Variants in TTN observed in about 807,000 individuals in gnomAD.
TTN encodes the protein connectin.
A neutral mutation model predicts 3,223.0 loss-of-function variants in TTN; 1,525 were observed. The observed-to-expected ratio is 0.47, with a 90% confidence interval of 0.45 to 0.49. TTN has a LOEUF of 0.49. Among genes scored for constraint, TTN ranks in the 20% least tolerant of loss-of-function variants. The pLI is 0.00. For missense variants in TTN, 40,786 were observed against 43,424.0 expected (o/e 0.94, Z 5.40); for synonymous variants, 14,094 against 15,161.0 (o/e 0.93, Z 5.17).
chr2:178,696,265 A>G lies in TTN; in HGVS notation c.30807T>C (p.Pro10269=). The G allele has an allele frequency of 6.5e-7, 1 of 1,533,732 alleles. No homozygotes were observed. Among genetic ancestry groups the G allele is most frequent in the Non-Finnish European group, 8.7e-7 (1 of 1,144,214 alleles). Reference sequence around the variant, plus strand: ...CTTTAGAGGATACATCAATGATTTCAGGAGCTAAAATAGATAAAGATACTA... The same window carrying G: ...CTTTAGAGGATACATCAATGATTTCGGGAGCTAAAATAGATAAAGATACTA... ...PPTTLIPAKA[P]EIIDVSSKAE... is the part of the protein sequence containing the mutation. The change falls in exon 114 of 363, where the codon CCT becomes CCC. Residue 10269 remains proline (P), a synonymous_variant. Coordinates refer to ENST00000589042, the MANE Select transcript of TTN (RefSeq NM_001267550.2).
At chr2:178,710,090 T>C (rs1262141302) in intron 98 of TTN, among the ~76,000 whole-genome samples, 1 of 152,142 alleles carries the variant, frequency 6.6e-6, no homozygotes, top group Admixed American at 6.5e-5. Flanking sequence ...ATTTAGAGAA[T>C]CACAAATTTG....
intron 49 of TTN, among the ~76,000 whole-genome samples, chr2:178,736,961 C>T (rs1374797276): frequency 6.6e-6 from 1 of 152,130 alleles, no homozygotes; most frequent in African/African-American, 2.4e-5. Flanking sequence ...CCTTGATATT[C>T]TCATTGACAA....
Position 178,564,617 on chromosome 2 carries a change from T to C in TTN, c.81515A>G (p.Asp27172Gly), listed in dbSNP as rs1248956657. Reference protein sequence around the residue: ...SECFVARDPCDPPGRPEAIVI... With the variant: ...SECFVARDPCGPPGRPEAIVI... ...AATGGCTTCAGGGCGACCAGGTGGG[T>C]CACATGGATCACGAGCAACAAAGCA... The change falls in exon 326 of 363, where the codon GAC (aspartate) becomes GGC (glycine). Residue 27172 changes from aspartate (D) to glycine (G), a missense_variant. By Grantham distance (94) the Asp-to-Gly change is moderately conservative. Transcript: ENST00000589042. 1 of 1,613,510 alleles carries C rather than the reference T, an allele frequency of 6.2e-7. No homozygotes were observed. The highest frequency in any genetic ancestry group is 1.7e-5 in the Admixed American group (1 of 59,968).
intron 345 of TTN, 38 bp downstream of exon 345, chr2:178,544,160 GAGA>G (rs766899471): frequency 2.5e-6 from 4 of 1,604,886 alleles, no homozygotes; most frequent in Non-Finnish European, 2.6e-6. Context: ...GGACAGGTGT[GAGA>G]AGAAAATAAT....
rs377210838 is a variant in TTN at position 178,718,782 on chromosome 2, C to T, written c.24418G>A (p.Val8140Met). 1.2e-6 allele frequency: 2 copies of T among 1,613,782 alleles called. No individual in the cohort carries two copies. The highest frequency in any genetic ancestry group is 8.5e-7 in the Non-Finnish European group (1 of 1,179,760). The change falls in exon 84 of 363, where the codon GTG becomes ATG. Residue 8140 changes from valine to methionine, a missense_variant. Physicochemically the swap from Val to Met is conservative, Grantham distance 21. Coordinates refer to ENST00000589042, the MANE Select transcript of TTN (RefSeq NM_001267550.2). ...DFVTELELFE[V>M]QPLESGDYSC... ...TAGTCTCCACTTTCTAATGGCTGCACCTCAAACAACTCCAGTTCTGTGACA... is the reference window on the plus strand; with the variant it reads ...TAGTCTCCACTTTCTAATGGCTGCATCTCAAACAACTCCAGTTCTGTGACA...
Position 178,565,535 on chromosome 2 carries a change from A to T in TTN, c.80597T>A (p.Val26866Glu). The T allele has an allele frequency of 6.2e-7, 1 of 1,613,342 alleles. No homozygotes were observed. Among genetic ancestry groups the T allele is most frequent in the South Asian group, 1.1e-5 (1 of 91,068 alleles). ...YNEKGKSDPRVLGVPVIAKDL... is the reference protein window; with the variant it reads ...YNEKGKSDPRELGVPVIAKDL... The stretch of plus-strand genomic sequence containing the variant: ...CTTGGCTATGACAGGAACACCCAAC[A>T]CTCTTGGATCGCTTTTTCCTTTCTC... The change falls in exon 326 of 363, where the codon GTG becomes GAG. Residue 26866 changes from valine (V) to glutamate (E), a missense_variant. Val to Glu is a moderately radical substitution (Grantham distance 121, BLOSUM62 -2). Transcript: ENST00000589042.
At position 178,723,789 on chromosome 2, in the gene TTN, T is replaced by C. The variant is rs1313484300; in HGVS notation, c.21403+67A>G. The C allele has an allele frequency of 4.6e-6, 7 of 1,537,738 alleles. No individual in the cohort carries two copies. In the Admixed American group the frequency reaches 1.5e-4, roughly 32 times the overall value. Reference sequence around the variant, plus strand: ...ACATTAGAGCACTTTCAAATGTTTGTCAACATAGATGTGCACCTGAAGAGG... The same window carrying C: ...ACATTAGAGCACTTTCAAATGTTTGCCAACATAGATGTGCACCTGAAGAGG... On this transcript the variant is annotated intron_variant, in intron 73 of 362. Coordinates refer to ENST00000589042, the MANE Select transcript of TTN (RefSeq NM_001267550.2).
rs201390600 is a variant in TTN, at chr2:178,631,062, A to C, written c.43986T>G (p.Asp14662Glu). Residue 14662 changes from aspartate (D) to glutamate (E), a missense_variant, in exon 237 of 363, where the codon GAT becomes GAG. Asp to Glu is a conservative substitution (Grantham distance 45). Coordinates refer to ENST00000589042, the MANE Select transcript of TTN (RefSeq NM_001267550.2). ...CAATGTCAAGTTTTCCTGAGGTCTT[A>C]TCTGTCCCACAGTCACAGGTGTACT... ...IGQYTCDCGT[D>E]KTSGKLDIED... 71 of 1,613,238 alleles carry C rather than the reference A, an allele frequency of 4.4e-5. No individual in the cohort carries two copies. Among genetic ancestry groups the C allele is most frequent in the Admixed American group, 3.7e-4 (22 of 59,968 alleles).
At chr2:178,670,543 C>A (rs2066797501) in intron 156 of TTN, among the ~76,000 whole-genome samples, 1 of 151,936 alleles carries the variant, frequency 6.6e-6, no homozygotes, top group Admixed American at 6.6e-5. Flanking sequence ...ACACCTTCAG[C>A]TGGTGCTATT....
chr2:178,650,694 C>A, intron 209 of TTN, 57 bp downstream of exon 209: 1 of 1,449,904 alleles, frequency 6.9e-7, no homozygotes, highest in East Asian at 2.4e-5. Flanking sequence ...AAGAACAAAG[C>A]TTAAATTAGA....
chr2:178,737,658 T>C (rs1482968418), intron 49 of TTN, among the ~76,000 whole-genome samples: 1 of 152,154 alleles, frequency 6.6e-6, no homozygotes, highest in Non-Finnish European at 1.5e-5. Flanking sequence ...AGTCCTATAC[T>C]AGCTCCCTGT....
At position 178,718,778 on chromosome 2, in the gene TTN, T is replaced by C. The variant is rs2154299738; in HGVS notation, c.24422A>G (p.Gln8141Arg). ...AGAATAGTCTCCACTTTCTAATGGC[T>C]GCACCTCAAACAACTCCAGTTCTGT... is the stretch of plus-strand genomic sequence containing the variant. The part of the protein sequence containing the change: ...FVTELELFEV[Q>R]PLESGDYSCL... The change falls in exon 84 of 363, where the codon CAG (glutamine) becomes CGG (arginine). Residue 8141 changes from glutamine (Q) to arginine (R), a missense_variant. Physicochemically the swap from Gln to Arg is conservative, Grantham distance 43. Transcript: ENST00000589042. 1.2e-6 allele frequency: 2 copies of C among 1,613,784 alleles called. No individual in the cohort carries two copies. The highest frequency in any genetic ancestry group is 1.7e-6 in the Non-Finnish European group (2 of 1,179,750).
rs1560284392 is a variant in TTN, at chr2:178,675,708, A to AG, written c.34499dup (p.Pro11501SerfsTer4). 2 of 1,428,874 alleles carry AG rather than the reference A, an allele frequency of 1.4e-6. No homozygotes were observed. Among genetic ancestry groups the AG allele is most frequent in the Non-Finnish European group, 9.1e-7 (1 of 1,100,740 alleles). The allele number at this position is 1,428,874 out of a possible 1,614,324, so 88.5% of individuals were successfully genotyped here. The stretch of plus-strand genomic sequence containing the variant: ...GGGCCACTGCTTTCTTAAGACCAGG[A>AG]GGAGGGACCTTCTTTTCTGGCTCAG... On this transcript the variant is annotated frameshift_variant, in exon 149 of 363. Coordinates refer to ENST00000589042, the MANE Select transcript of TTN (RefSeq NM_001267550.2). LOFTEE classifies it high-confidence loss of function.
In TTN at chr2:178,540,074, T is replaced by C. The variant is rs1293701782; in HGVS notation, c.98092A>G (p.Met32698Val). The change falls in exon 351 of 363, where the codon ATG (methionine) becomes GTG (valine). Residue 32698 changes from methionine to valine, a missense_variant. Transcript: ENST00000589042. ...EVPGTVKVTE[M>V]LEYPDYELDE... ...AAATGATCATATGTCTCACCAAGCA[T>C]TTCAGTGACTTTGACTGTTCCTGGT... The C allele has an allele frequency of 6.3e-7, 1 of 1,599,348 alleles. No homozygotes were observed. The highest frequency in any genetic ancestry group is 8.5e-7 in the Non-Finnish European group (1 of 1,171,132).
intron 99 of TTN, 43 bp downstream of exon 99, chr2:178,709,523 G>A (rs72649001): frequency 6.4e-7 from 1 of 1,564,440 alleles, no homozygotes; most frequent in African/African-American, 1.4e-5. Flanking sequence ...ATAACAGGCA[G>A]TGAAGAAAAA....
In TTN at chr2:178,784,135, C is replaced by T. The variant is rs753625315; in HGVS notation, c.2710G>A (p.Val904Met). The T allele has an allele frequency of 2.5e-6, 4 of 1,614,076 alleles. No individual in the cohort carries two copies. The South Asian group carries it at 3.3e-5, about 13-fold the overall frequency. ...CGGACGGTGGTGCCAGTGATGCTCA[C>T]CCCTACTTCCTTTTTCACCTCAACG... ...AGVEVKKEVG[V>M]SITGTTVREE... is the part of the protein sequence containing the mutation. Residue 904 changes from valine to methionine, a missense_variant, in exon 16 of 363, where the codon GTG becomes ATG. Transcript: ENST00000589042.
In TTN at chr2:178,557,994, G is replaced by A. The variant is rs759442901; in HGVS notation, c.87360C>T (p.Ala29120=). 1.2e-5 allele frequency: 20 copies of A among 1,613,570 alleles called. No homozygotes were observed. Among genetic ancestry groups the A allele is most frequent in the African/African-American group, 4.0e-5 (3 of 74,918 alleles). The change falls in exon 328 of 363, where the codon GCC becomes GCT. Residue 29120 remains alanine (A), a synonymous_variant. Transcript: ENST00000589042. ...ADAGRYEITA[A]NSSGTTKAFI... is the part of the protein sequence containing the mutation. The stretch of plus-strand genomic sequence containing the variant: ...AAGCTTTGGTTGTACCACTGGAGTT[G>A]GCAGCAGTGATTTCATATCTCCCAG...
Position 178,607,947 on chromosome 2 carries a change from T to C in TTN, c.52840A>G (p.Asn17614Asp). 1 of 1,612,976 alleles carries C rather than the reference T, an allele frequency of 6.2e-7. No individual in the cohort carries two copies. The highest frequency in any genetic ancestry group is 8.5e-7 in the Non-Finnish European group (1 of 1,179,292). The change falls in exon 276 of 363, where the codon AAT (asparagine) becomes GAT (aspartate). Residue 17614 changes from asparagine (N) to aspartate (D), a missense_variant. Physicochemically the swap from Asn to Asp is conservative, Grantham distance 23. Coordinates refer to ENST00000589042, the MANE Select transcript of TTN (RefSeq NM_001267550.2). ...TTCTCTGTGCAGCGTGACCATTCATTTGTGCCAACCAACTGCTTATCAACA... is the reference window on the plus strand; with the variant it reads ...TTCTCTGTGCAGCGTGACCATTCATCTGTGCCAACCAACTGCTTATCAACA... Reference protein sequence around the residue: ...YFVDKQLVGTNEWSRCTEKMI... With the variant: ...YFVDKQLVGTDEWSRCTEKMI...
chr2:178,731,701 G>A lies in TTN; in HGVS notation c.17174C>T (p.Thr5725Ile). ...CTGGAACCAACACTAACCTCTTAAA[G>A]TCACCCTGGCACTGCAGATGCTGCT... The part of the protein sequence containing the change: ...VGSSICSARV[T>I]LREPPSFIKK... The change falls in exon 58 of 363, where the codon ACT (threonine) becomes ATT (isoleucine). Residue 5725 changes from threonine to isoleucine, a missense_variant. By Grantham distance (89) the Thr-to-Ile change is moderately conservative. Coordinates refer to ENST00000589042, the MANE Select transcript of TTN (RefSeq NM_001267550.2). 1 of 1,609,284 alleles carries A rather than the reference G, an allele frequency of 6.2e-7. No homozygotes were observed. The highest frequency in any genetic ancestry group is 8.5e-7 in the Non-Finnish European group (1 of 1,176,592).
Sources: gnomAD v4.1 joint callset for allele counts (sites outside exome capture counted in the v4.1 genomes callset) on GRCh38, gnomAD v4.1.1 for gene constraint, MANE v1.5 for transcripts, NCBI Gene and HGNC (gene_info 2026-07-23, HGNC 2026-07-21) for gene names.